Variants in ADK observed in about 807,000 individuals in gnomAD.
ADK encodes the protein N6,N6-dimethyladenosine kinase.
A neutral mutation model predicts 44.7 loss-of-function variants in ADK; 24 were observed. The observed-to-expected ratio is 0.54, with a 90% confidence interval of 0.39 to 0.76. ADK has a LOEUF of 0.76. ADK is among the 30% of genes least tolerant of loss of function. The pLI is 0.00. For synonymous variants in ADK, 128 were observed against 142.6 expected (o/e 0.90, Z 0.73); for missense variants, 321 against 425.1 (o/e 0.76, Z 2.15).
rs181802393 is a variant in ADK at position 74,689,064 on chromosome 10, A to G, written c.964+18795A>G. On this transcript the variant is annotated intron_variant, in intron 10 of 10. Coordinates refer to ENST00000539909, the MANE Select transcript of ADK (RefSeq NM_006721.4). ...GGAGATCGAGACCATCCTGGCTAAC[A>G]TGGTGAAACCCCATCTCTACTAAAA... Among the ~76,000 whole-genome samples the G allele has an allele frequency of 9.3e-3, 1,409 of 152,232 alleles. 8 individuals carry two copies. Among genetic ancestry groups the G allele is most frequent in the Non-Finnish European group, 0.014 (970 of 68,012 alleles).
chr10:74,560,552 CATA>C (rs1430589746), intron 7 of ADK, among the ~76,000 whole-genome samples: 4 of 152,194 alleles, frequency 2.6e-5, no homozygotes, highest in Non-Finnish European at 5.9e-5. Flanking sequence ...GCTGTAAAGT[CATA>C]GTAGCATGTA....
intron 1 of ADK, among the ~76,000 whole-genome samples, chr10:74,163,799 A>G (rs1443968979): frequency 2.0e-5 from 3 of 152,228 alleles, no homozygotes; most frequent in Admixed American, 6.5e-5. Flanking sequence ...TCCTTTACAA[A>G]TAAACAGTTC....
chr10:74,162,521 T>TGTG (rs1841932111), intron 1 of ADK, among the ~76,000 whole-genome samples: 3 of 141,882 alleles, frequency 2.1e-5, no homozygotes, highest in Non-Finnish European at 4.6e-5. Flanking sequence ...TGCATTTCTT[T>TGTG]TGTGTGTGTG....
chr10:74,483,013 C>T (rs952319231), intron 6 of ADK, among the ~76,000 whole-genome samples: 6 of 152,176 alleles, frequency 3.9e-5, no homozygotes, highest in Non-Finnish European at 7.3e-5. Flanking sequence ...CTCTTCTCAC[C>T]ATTCCAATAG....
At chr10:74,486,006 G>A (rs1038724113) in intron 6 of ADK, among the ~76,000 whole-genome samples, 2 of 152,168 alleles carry the variant, frequency 1.3e-5, no homozygotes, top group African/African-American at 2.4e-5. Context: ...TAAGATGGGA[G>A]AATTTACTGG....
intron 1 of ADK, among the ~76,000 whole-genome samples, chr10:74,183,080 C>T (rs1205855562): frequency 6.6e-6 from 1 of 152,100 alleles, no homozygotes; most frequent in East Asian, 1.9e-4. Context: ...CCTACAGTCC[C>T]ACCTGTAGTC....
chr10:74,431,176 G>A (rs554878351), intron 6 of ADK, among the ~76,000 whole-genome samples: 12 of 151,124 alleles, frequency 7.9e-5, no homozygotes, highest in African/African-American at 2.9e-4. Flanking sequence ...ATGTTTTGAA[G>A]AAGAGCTCAC....
intron 1 of ADK, among the ~76,000 whole-genome samples, chr10:74,197,084 T>C (rs1421768467): frequency 6.6e-6 from 1 of 152,204 alleles, no homozygotes; most frequent in Admixed American, 6.5e-5. Context: ...CTTGGGTTCA[T>C]TCTGATTTTC....
chr10:74,320,850 C>T (rs1840783783), intron 4 of ADK, among the ~76,000 whole-genome samples: 1 of 152,146 alleles, frequency 6.6e-6, no homozygotes, highest in South Asian at 2.1e-4. Context: ...TTACTGTCTT[C>T]TTCAATTTGG....
chr10:74,659,809 T>G (rs1279809975), intron 9 of ADK, among the ~76,000 whole-genome samples: 1 of 152,182 alleles, frequency 6.6e-6, no homozygotes, highest in Non-Finnish European at 1.5e-5. Context: ...CTCATGTTTT[T>G]CTGCCTGCTT....
chr10:74,442,506 C>T (rs1592220578), intron 6 of ADK, among the ~76,000 whole-genome samples: 1 of 152,020 alleles, frequency 6.6e-6, no homozygotes, highest in Admixed American at 6.6e-5. Flanking sequence ...ATTAGCTGGG[C>T]GTGGTAGCAC....
At chr10:74,341,425 C>G (rs1841578849) in intron 4 of ADK, among the ~76,000 whole-genome samples, 1 of 150,510 alleles carries the variant, frequency 6.6e-6, no homozygotes, top group South Asian at 2.1e-4. Context: ...ACTCGGGAGG[C>G]TGAGGCAGGA....
At chr10:74,640,558 T>C (rs1275705100) in intron 9 of ADK, among the ~76,000 whole-genome samples, 4 of 152,196 alleles carry the variant, frequency 2.6e-5, no homozygotes, top group African/African-American at 9.7e-5. Context: ...AGCTAAAAAA[T>C]CTCTAATATA....
At chr10:74,565,415 T>TCAA (rs1305158399) in intron 7 of ADK, among the ~76,000 whole-genome samples, 9 of 152,116 alleles carry the variant, frequency 5.9e-5, no homozygotes, top group Non-Finnish European at 1.2e-4. Context: ...AGTTGTCATA[T>TCAA]CAATAATAAT....
chr10:74,670,802 G>A (rs1413468893), intron 10 of ADK, among the ~76,000 whole-genome samples: 1 of 147,608 alleles, frequency 6.8e-6, no homozygotes, highest in Non-Finnish European at 1.5e-5. Flanking sequence ...AATGATTTTG[G>A]TAATGAATAC....
chr10:74,531,982 C>G (rs530619157), intron 7 of ADK, among the ~76,000 whole-genome samples: 1 of 152,296 alleles, frequency 6.6e-6, no homozygotes, highest in African/African-American at 2.4e-5. Flanking sequence ...AAGAAAACTA[C>G]AGACCAATAT....
rs532164468 is a variant in ADK, at chr10:74,287,314, A to C, written c.195-27353A>C. Among the ~76,000 whole-genome samples, 6 of 152,246 alleles carry C rather than the reference A, an allele frequency of 3.9e-5. No homozygotes were observed. In the East Asian group the frequency reaches 1.2e-3, roughly 30 times the overall value. ...CCCCTGTCTACTAAAAATACAAAAA[A>C]TTAGTGGGGCGTGGTGGTGCACGCC... On this transcript the variant is annotated intron_variant, in intron 3 of 10. Transcript: ENST00000539909.
At chr10:74,393,307 C>G (rs1843400521) in intron 4 of ADK, among the ~76,000 whole-genome samples, 1 of 152,058 alleles carries the variant, frequency 6.6e-6, no homozygotes, top group African/African-American at 2.4e-5. Flanking sequence ...TATAGAATCA[C>G]TATAGAATAT....
chr10:74,617,181 G>A (rs1852798640), intron 9 of ADK, among the ~76,000 whole-genome samples: 1 of 152,028 alleles, frequency 6.6e-6, no homozygotes, highest in African/African-American at 2.4e-5. Flanking sequence ...TACTACACTA[G>A]TTAGCACGGT....
Sources: allele counts gnomAD v4.1 joint callset (sites outside exome capture counted in the v4.1 genomes callset), GRCh38; gene constraint gnomAD v4.1.1; transcripts MANE v1.5; gene names NCBI Gene and HGNC (gene_info 2026-07-23, HGNC 2026-07-21).